Variants in SHB observed in about 807,000 individuals in gnomAD.
SHB encodes the protein SH2 domain containing adaptor protein B.
In SHB, 20 loss-of-function variants were observed where a neutral mutation model predicts 52.3. The ratio of observed to expected loss-of-function variants is 0.38; its 90% CI spans 0.27 to 0.56. The LOEUF (loss-of-function observed/expected upper bound fraction) is 0.56. Ranked by LOEUF, SHB falls within the 20% of genes least tolerant of loss-of-function variation. The pLI, the probability that SHB is intolerant of heterozygous loss-of-function variation, is 0.71. For missense variants in SHB, 825 were observed against 723.3 expected (o/e 1.14, Z -1.61); for synonymous variants, 397 against 316.5 (o/e 1.25, Z -2.70).
At position 37,979,864 on chromosome 9, in the gene SHB, A is replaced by C. The variant is rs181805313; in HGVS notation, c.839-5027T>G. On this transcript the variant is annotated intron_variant, in intron 2 of 5. Transcript: ENST00000377707. Reference sequence around the variant, plus strand: ...ATTTTTTGGTTTTCCAATGCACACAAAAGTTATATTTATATTATACTGTAG... The same window carrying C: ...ATTTTTTGGTTTTCCAATGCACACACAAGTTATATTTATATTATACTGTAG... 7.9e-5 allele frequency among the ~76,000 whole-genome samples: 12 copies of C among 152,270 alleles called. No individual in the cohort carries two copies. The South Asian group carries it at 1.2e-3, about 16-fold the overall frequency.
intron 1 of SHB, among the ~76,000 whole-genome samples, chr9:38,039,041 A>G (rs1047786930): frequency 6.6e-6 from 1 of 152,220 alleles, no homozygotes; most frequent in Non-Finnish European, 1.5e-5. Context: ...CTTATCAGGC[A>G]GGGCTGGCGG....
At chr9:37,931,689 T>C (rs1000434265) in intron 5 of SHB, among the ~76,000 whole-genome samples, 4 of 152,200 alleles carry the variant, frequency 2.6e-5, no homozygotes, top group African/African-American at 7.2e-5. Flanking sequence ...AAGAGCTTTG[T>C]AAGGAAATTA....
rs1822012981 is a variant in SHB, at chr9:38,068,705, G to A, written c.-60C>T. The A allele has an allele frequency of 1.7e-6, 2 of 1,207,300 alleles. No individual in the cohort carries two copies. Among genetic ancestry groups the A allele is most frequent in the Middle Eastern group, 3.3e-4 (1 of 3,076 alleles). 74.8% of individuals were successfully genotyped at this position (1,207,300 alleles called of 1,614,324 possible). On this transcript the variant is annotated 5_prime_UTR_variant, in exon 1 of 6. Coordinates refer to ENST00000377707, the MANE Select transcript of SHB (RefSeq NM_003028.3). ...CCGGTCCGCCGCCGCGGCCATTCGG[G>A]GGGCAGCGCTGCGGCGCAGGTCCCT...
chr9:37,924,533 G>C (rs1832222868), intron 5 of SHB, among the ~76,000 whole-genome samples: 1 of 152,152 alleles, frequency 6.6e-6, no homozygotes, highest in African/African-American at 2.4e-5. Context: ...CCCAGTTACA[G>C]GACTCCAGAC....
chr9:38,047,421 C>T (rs995136214), intron 1 of SHB, among the ~76,000 whole-genome samples: 1 of 152,210 alleles, frequency 6.6e-6, no homozygotes, highest in African/African-American at 2.4e-5. Context: ...ACCTCCCCTT[C>T]GGTGCAGAAA....
At chr9:38,037,126 C>G (rs1821499254) in intron 1 of SHB, among the ~76,000 whole-genome samples, 1 of 152,182 alleles carries the variant, frequency 6.6e-6, no homozygotes, top group Non-Finnish European at 1.5e-5. Context: ...CCCTACTAGG[C>G]TGACACAACT....
intron 2 of SHB, among the ~76,000 whole-genome samples, chr9:37,996,910 G>A (rs763930630): frequency 6.6e-6 from 1 of 152,182 alleles, no homozygotes; most frequent in Non-Finnish European, 1.5e-5. Context: ...GGCTTATCCT[G>A]GACTAATTTT....
At chr9:38,067,856 G>A in intron 1 of SHB, 73 bp downstream of exon 1, 1 of 1,384,104 alleles carries the variant, frequency 7.2e-7, no homozygotes, top group Non-Finnish European at 9.3e-7. Context: ...CAACACCAGA[G>A]CGGCGGGTGC....
At chr9:38,016,869 C>T (rs1326787036) in intron 1 of SHB, among the ~76,000 whole-genome samples, 2 of 152,192 alleles carry the variant, frequency 1.3e-5, no homozygotes, top group East Asian at 3.9e-4. Flanking sequence ...CTGAGCTCCC[C>T]ACTTGTCTGT....
chr9:37,943,437 A>G (rs1832456880), intron 5 of SHB, among the ~76,000 whole-genome samples: 3 of 152,146 alleles, frequency 2.0e-5, no homozygotes, highest in Admixed American at 2.0e-4. Flanking sequence ...TGGGCTGGAG[A>G]GGCTGTGAAC....
Position 38,025,385 on chromosome 9 carries a change from C to G in SHB, c.718-9254G>C, listed in dbSNP as rs1413377134. On this transcript the variant is annotated intron_variant, in intron 1 of 5. Coordinates refer to ENST00000377707, the MANE Select transcript of SHB (RefSeq NM_003028.3). Reference sequence around the variant, plus strand: ...CTCAGGCTTCCTGCTCTAGGGGGTACGAGTGCTCCCCTAGGGGCCTGAGGC... The same window carrying G: ...CTCAGGCTTCCTGCTCTAGGGGGTAGGAGTGCTCCCCTAGGGGCCTGAGGC... Among the ~76,000 whole-genome samples, 4 of 152,270 alleles carry G rather than the reference C, an allele frequency of 2.6e-5. No homozygotes were observed. In the South Asian group the frequency reaches 6.2e-4, roughly 24 times the overall value.
chr9:38,019,964 A>T (rs938845365), intron 1 of SHB, among the ~76,000 whole-genome samples: 1 of 152,254 alleles, frequency 6.6e-6, no homozygotes, highest in Non-Finnish European at 1.5e-5. Flanking sequence ...CTGAATGGAA[A>T]GCAAGCAAGC....
intron 5 of SHB, among the ~76,000 whole-genome samples, chr9:37,935,927 A>C (rs1236162845): frequency 9.5e-5 from 5 of 52,840 alleles, no homozygotes; most frequent in African/African-American, 6.8e-4. Context: ...TCATTAAAGA[A>C]AAAAAAAATC....
At chr9:37,961,372 T>C (rs1832690441) in intron 3 of SHB, among the ~76,000 whole-genome samples, 1 of 152,186 alleles carries the variant, frequency 6.6e-6, no homozygotes, top group Non-Finnish European at 1.5e-5. Context: ...CTTTCCACTG[T>C]CCTGTCCACT....
intron 2 of SHB, among the ~76,000 whole-genome samples, chr9:38,007,789 A>G (rs746907911): frequency 2.6e-5 from 4 of 152,180 alleles, no homozygotes; most frequent in Non-Finnish European, 5.9e-5. Context: ...TAAAAAAAGT[A>G]TGTAATATGC....
chr9:37,957,005 C>T (rs1348656047), intron 3 of SHB, among the ~76,000 whole-genome samples: 1 of 152,204 alleles, frequency 6.6e-6, no homozygotes, highest in Non-Finnish European at 1.5e-5. Flanking sequence ...ACTGAACCAA[C>T]CTGAGTTCTT....
chr9:38,021,183 CA>C (rs1587247966), intron 1 of SHB, among the ~76,000 whole-genome samples: 1 of 151,576 alleles, frequency 6.6e-6, no homozygotes, highest in Admixed American at 6.6e-5. Context: ...CCTAAAAACA[CA>C]AAAAAATTAG....
chr9:38,005,106 C>T (rs1397403820), intron 2 of SHB, among the ~76,000 whole-genome samples: 1 of 152,190 alleles, frequency 6.6e-6, no homozygotes, highest in African/African-American at 2.4e-5. Flanking sequence ...CCAGGGGTTC[C>T]CAGTCTAGCA....
chr9:37,935,504 C>A (rs189641474), intron 5 of SHB, among the ~76,000 whole-genome samples: 13 of 152,224 alleles, frequency 8.5e-5, no homozygotes, highest in Admixed American at 2.0e-4. Context: ...CACAGGTGAG[C>A]CCCTCATCTC....
Sources: allele counts gnomAD v4.1 joint callset (sites outside exome capture counted in the v4.1 genomes callset), GRCh38; gene constraint gnomAD v4.1.1; transcripts MANE v1.5; gene names NCBI Gene and HGNC (gene_info 2026-07-23, HGNC 2026-07-21).